The following SGCZ variants were observed in gnomAD, a reference collection of about 807,000 sequenced individuals.
SGCZ encodes sarcoglycan zeta.
In SGCZ, 40 loss-of-function variants were observed where a neutral mutation model predicts 41.3. The observed-to-expected ratio is 0.97, with a 90% CI of 0.75 to 1.26. SGCZ has a LOEUF of 1.26. Among genes scored for constraint, SGCZ ranks in the 50% most tolerant of loss-of-function variants. SGCZ has a pLI of 0.00. For synonymous variants in SGCZ, 206 were observed against 137.5 expected (o/e 1.50, Z -3.49); for missense variants, 552 against 369.8 (o/e 1.49, Z -4.04).
At chr8:14,717,752 T>C (rs1809739539) in intron 1 of SGCZ, among the ~76,000 whole-genome samples, 1 of 152,150 alleles carries the variant, frequency 6.6e-6, no homozygotes, top group African/African-American at 2.4e-5. Flanking sequence ...GGCACTTGAA[T>C]TCTAATCACA....
At chr8:14,806,686 A>C (rs1228725226) in intron 1 of SGCZ, among the ~76,000 whole-genome samples, 11 of 152,154 alleles carry the variant, frequency 7.2e-5, no homozygotes, top group Admixed American at 7.2e-4. Context: ...TTCTGAAACT[A>C]TTACAATCAA....
intron 2 of SGCZ, among the ~76,000 whole-genome samples, chr8:14,431,136 T>C (rs954024182): frequency 1.3e-4 from 20 of 152,062 alleles, no homozygotes; most frequent in African/African-American, 4.6e-4. Context: ...ACAAATTCAA[T>C]GCAATTGCCA....
chr8:14,262,647 G>C (rs77586616), intron 3 of SGCZ, among the ~76,000 whole-genome samples: 2,253 of 151,390 alleles, frequency 0.015, 62 homozygotes, highest in East Asian at 0.085. Context: ...CTTATATTTA[G>C]ACTTTTCTCT....
At chr8:15,231,610 CTTTTTT>C (rs914572473) in intron 1 of SGCZ, among the ~76,000 whole-genome samples, 34 of 72,108 alleles carry the variant, frequency 4.7e-4, no homozygotes, top group African/African-American at 1.5e-3. Context: ...TTAATATATT[CTTTTTT>C]TTTTTTTTTT....
intron 7 of SGCZ, among the ~76,000 whole-genome samples, chr8:14,094,978 GTT>G (rs140256840): frequency 6.6e-6 from 1 of 151,068 alleles, no homozygotes; most frequent in Admixed American, 6.6e-5. Context: ...CTTTTTGATG[GTT>G]TTTTTTTCTT....
chr8:14,808,869 G>T (rs985734817), intron 1 of SGCZ, among the ~76,000 whole-genome samples: 2 of 151,612 alleles, frequency 1.3e-5, no homozygotes, highest in African/African-American at 2.4e-5. Flanking sequence ...AGAAAATGTG[G>T]CACATATACA....
At chr8:14,648,231 T>C (rs1807287815) in intron 1 of SGCZ, among the ~76,000 whole-genome samples, 2 of 152,092 alleles carry the variant, frequency 1.3e-5, no homozygotes, top group Admixed American at 1.3e-4. Flanking sequence ...TTAAAACAGA[T>C]AGGGTTAGTA....
intron 1 of SGCZ, among the ~76,000 whole-genome samples, chr8:14,598,514 G>A (rs1270539043): frequency 1.3e-5 from 2 of 151,404 alleles, no homozygotes; most frequent in African/African-American, 4.9e-5. Flanking sequence ...CAAACACATA[G>A]TTTTATATAT....
At chr8:15,018,293 G>T (rs777362014) in intron 1 of SGCZ, among the ~76,000 whole-genome samples, 1 of 152,046 alleles carries the variant, frequency 6.6e-6, no homozygotes, top group Admixed American at 6.6e-5. Flanking sequence ...AAATAAACAA[G>T]ACAGCTTATT....
At chr8:14,502,943 G>C (rs1802198223) in intron 2 of SGCZ, among the ~76,000 whole-genome samples, 1 of 152,188 alleles carries the variant, frequency 6.6e-6, no homozygotes, top group Admixed American at 6.5e-5. Context: ...TCTCGTTACT[G>C]GGTATGTATT....
In SGCZ at chr8:14,087,527, G is replaced by A. The variant is rs1352134550; in HGVS notation, c.*2916C>T. ...TGAGTATGAAGTTATTAAGATACGGGTAATAAGATAGCTTAGTCGCATCCA... is the reference window on the plus strand; with the variant it reads ...TGAGTATGAAGTTATTAAGATACGGATAATAAGATAGCTTAGTCGCATCCA... On this transcript the variant is annotated 3_prime_UTR_variant, in exon 8 of 8. Transcript: ENST00000382080. Among the ~76,000 whole-genome samples, 1 of 151,442 alleles carries A rather than the reference G, an allele frequency of 6.6e-6. No individual in the cohort carries two copies. The highest frequency in any genetic ancestry group is 1.5e-5 in the Non-Finnish European group (1 of 67,696).
chr8:15,091,875 C>T (rs1032590810), intron 1 of SGCZ, among the ~76,000 whole-genome samples: 4 of 152,060 alleles, frequency 2.6e-5, no homozygotes, highest in Admixed American at 6.6e-5. Context: ...ACCTCAGCCT[C>T]GAAAGTAGCT....
Position 14,540,742 on chromosome 8 carries a change from G to A in SGCZ, c.234+13990C>T, listed in dbSNP as rs141685909. On this transcript the variant is annotated intron_variant, in intron 2 of 7. Transcript: ENST00000382080. ...ATAGTAGTCATTTGTAAGGCGTTCT[G>A]CTTCATAAAATAATTATATTATCTC... Among the ~76,000 whole-genome samples the A allele has an allele frequency of 2.9e-3, 437 of 151,740 alleles. 5 individuals carry two copies. The highest frequency in any genetic ancestry group is 9.6e-3 in the African/African-American group (396 of 41,458).
chr8:14,417,632 C>T lies in SGCZ; in HGVS notation c.235-93428G>A, dbSNP rs139592322. Among the ~76,000 whole-genome samples, 721 of 151,654 alleles carry T rather than the reference C, an allele frequency of 4.8e-3. 6 individuals are homozygous for T. The highest frequency in any genetic ancestry group is 0.015 in the African/African-American group (641 of 41,410). ...TAATATTTACAATATTTTGAATAAA[C>T]ATAAAAATAACGATACAGCATGATG... On this transcript the variant is annotated intron_variant, in intron 2 of 7. Transcript: ENST00000382080.
At chr8:14,422,084 CT>C (rs1181729686) in intron 2 of SGCZ, among the ~76,000 whole-genome samples, 2 of 151,974 alleles carry the variant, frequency 1.3e-5, no homozygotes, top group Admixed American at 6.6e-5. Context: ...AATGCAAAGT[CT>C]TAACAAATGT....
intron 3 of SGCZ, among the ~76,000 whole-genome samples, chr8:14,300,954 T>TGCA (rs780748521): frequency 1.6e-4 from 25 of 151,980 alleles, no homozygotes; most frequent in Admixed American, 1.3e-3. Context: ...AGAGTGAAGA[T>TGCA]GCAGCCAGCC....
At chr8:15,011,135 CA>C (rs1389482659) in intron 1 of SGCZ, among the ~76,000 whole-genome samples, 16 of 152,106 alleles carry the variant, frequency 1.1e-4, no homozygotes, top group Admixed American at 9.8e-4. Flanking sequence ...GTCTTCAAGG[CA>C]ATAAGGGTTA....
At chr8:14,802,057 C>A (rs1276978016) in intron 1 of SGCZ, among the ~76,000 whole-genome samples, 2 of 152,114 alleles carry the variant, frequency 1.3e-5, no homozygotes, top group Non-Finnish European at 2.9e-5. Context: ...AACAAATCTT[C>A]CCTTGAGAGA....
At chr8:14,517,656 T>C (rs1802662465) in intron 2 of SGCZ, among the ~76,000 whole-genome samples, 1 of 152,036 alleles carries the variant, frequency 6.6e-6, no homozygotes, top group Admixed American at 6.6e-5. Context: ...AAAATCTTGG[T>C]AAATTTTTGA....
Sources: gnomAD v4.1 joint callset for allele counts (sites outside exome capture counted in the v4.1 genomes callset) on GRCh38, gnomAD v4.1.1 for gene constraint, MANE v1.5 for transcripts, NCBI Gene and HGNC (gene_info 2026-07-23, HGNC 2026-07-21) for gene names.